Variants in MPHOSPH9 observed in about 807,000 individuals in gnomAD.
MPHOSPH9 encodes M-phase phosphoprotein 9.
In MPHOSPH9, 88 loss-of-function variants were observed where a neutral mutation model predicts 145.5. The observed-to-expected ratio is 0.60, with a 90% confidence interval of 0.51 to 0.72. The LOEUF (loss-of-function observed/expected upper bound fraction) is 0.72. Among genes scored for constraint, MPHOSPH9 ranks in the 30% least tolerant of loss-of-function variants. MPHOSPH9 has a pLI of 0.00. For missense variants in MPHOSPH9, 1,238 were observed against 1,386.6 expected, an observed-to-expected ratio of 0.89 and a Z score of 1.70; for synonymous variants, 435 against 486.2, an observed-to-expected ratio of 0.89 and a Z score of 1.39.
chr12:123,229,820 C>CTTT (rs2047570652), intron 2 of MPHOSPH9, among the ~76,000 whole-genome samples: 1 of 94,450 alleles, frequency 1.1e-5, no homozygotes, highest in Admixed American at 1.4e-4. Flanking sequence ...TGTCCCCGAA[C>CTTT]ATTTTTTTTT....
chr12:123,223,260 A>C, intron 3 of MPHOSPH9, 133 bp from the exon 4 acceptor site: 3 of 464,432 alleles, frequency 6.5e-6, no homozygotes, highest in Non-Finnish European at 1.1e-5. Context: ...CAGCACTCTC[A>C]TAGCTAGAGT....
At chr12:123,165,617 T>C (rs2044286466) in intron 17 of MPHOSPH9, 140 bp from the exon 18 acceptor site, 1 of 740,808 alleles carries the variant, frequency 1.3e-6, no homozygotes, top group Admixed American at 2.8e-5. Flanking sequence ...ACGAGGTAAT[T>C]AGGGTTGGAT....
At chr12:123,226,359 A>G in intron 3 of MPHOSPH9, 1 of 1,174,850 alleles carries the variant, frequency 8.5e-7, no homozygotes. Flanking sequence ...ATTCTGAAAA[A>G]TAACACAAAT....
intron 13 of MPHOSPH9, among the ~76,000 whole-genome samples, chr12:123,181,962 T>A (rs1329766775): frequency 1.3e-5 from 2 of 152,092 alleles, no homozygotes; most frequent in Non-Finnish European, 2.9e-5. Flanking sequence ...ATTACTTTTT[T>A]TTTTTTTCTT....
chr12:123,198,684 C>T (rs2046081415), intron 11 of MPHOSPH9, among the ~76,000 whole-genome samples: 2 of 151,508 alleles, frequency 1.3e-5, no homozygotes. Context: ...GTGGCATGTG[C>T]CTGTAGTCCC....
chr12:123,200,556 T>C (rs2046176977), intron 11 of MPHOSPH9, among the ~76,000 whole-genome samples: 1 of 152,136 alleles, frequency 6.6e-6, no homozygotes. Flanking sequence ...TTATTCTAGG[T>C]ACCTTCTTTA....
Position 123,202,686 on chromosome 12 carries a change from T to A in MPHOSPH9, c.1719A>T (p.Thr573=), listed in dbSNP as rs2046273655. 1 of 1,614,040 alleles carries A rather than the reference T, an allele frequency of 6.2e-7. No homozygotes were observed. Among genetic ancestry groups the A allele is most frequent in the Admixed American group, 1.7e-5 (1 of 59,984 alleles). ...AAATGCATTCTGGGACACTGTTGGC[T>A]GTACCTGGAAGCTGGGACTGACTGA... ...ASVSQSQLPG[T]ANSVPECISL... is the part of the protein sequence containing the mutation. The change falls in exon 10 of 24, where the codon ACA becomes ACT. Residue 573 remains threonine, a synonymous_variant. Coordinates refer to ENST00000606320, the MANE Select transcript of MPHOSPH9 (RefSeq NM_022782.4).
intron 13 of MPHOSPH9, among the ~76,000 whole-genome samples, chr12:123,186,100 G>T (rs901661432): frequency 6.6e-6 from 1 of 151,856 alleles, no homozygotes; most frequent in South Asian, 2.1e-4. Context: ...GGTGGTGTGC[G>T]CCTGTAATCT....
chr12:123,168,999 T>C (rs1349481738), intron 16 of MPHOSPH9, among the ~76,000 whole-genome samples: 3 of 150,964 alleles, frequency 2.0e-5, no homozygotes, highest in Non-Finnish European at 3.0e-5. Flanking sequence ...ATTCTACTGC[T>C]TCAGACTCCC....
rs1160745452 is a variant in MPHOSPH9, at chr12:123,160,774, A to G, written c.3450+7T>C. On this transcript the variant is annotated splice_region_variant and intron_variant, in intron 23 of 23. Coordinates refer to ENST00000606320, the MANE Select transcript of MPHOSPH9 (RefSeq NM_022782.4). Reference sequence around the variant, plus strand: ...CTCTAAAGCAGATTCAAGCTAAGACATTTCACCTGATTTAATCTTGTCTGT... The same window carrying G: ...CTCTAAAGCAGATTCAAGCTAAGACGTTTCACCTGATTTAATCTTGTCTGT... 2 of 1,613,196 alleles carry G rather than the reference A, an allele frequency of 1.2e-6. No individual in the cohort carries two copies. The highest frequency in any genetic ancestry group is 1.7e-5 in the Admixed American group (1 of 60,028).
chr12:123,201,821 GT>G (rs992384159), intron 11 of MPHOSPH9, among the ~76,000 whole-genome samples: 3 of 152,062 alleles, frequency 2.0e-5, no homozygotes, highest in Admixed American at 6.6e-5. Flanking sequence ...ATCTTTGTGG[GT>G]TTTTTTGGAA....
At chr12:123,176,653 T>C in intron 16 of MPHOSPH9, 35 bp downstream of exon 16, 2 of 1,500,268 alleles carry the variant, frequency 1.3e-6, no homozygotes, top group Non-Finnish European at 1.9e-6. Flanking sequence ...ATGCACCTAT[T>C]TCTAGCTTTA....
chr12:123,172,208 G>A (rs2044613370), intron 16 of MPHOSPH9, among the ~76,000 whole-genome samples: 1 of 152,188 alleles, frequency 6.6e-6, no homozygotes, highest in African/African-American at 2.4e-5. Flanking sequence ...ATGGGCCAGT[G>A]TCTGTTGCAA....
intron 7 of MPHOSPH9, among the ~76,000 whole-genome samples, chr12:123,211,335 G>A (rs1318023096): frequency 6.6e-6 from 1 of 152,050 alleles, no homozygotes; most frequent in Non-Finnish European, 1.5e-5. Flanking sequence ...TGGCCAGGCT[G>A]GTCTCAAACT....
chr12:123,186,759 G>A (rs911499713), intron 13 of MPHOSPH9, among the ~76,000 whole-genome samples: 28 of 152,106 alleles, frequency 1.8e-4, no homozygotes, highest in African/African-American at 6.3e-4. Flanking sequence ...TCAGGATTTC[G>A]AGGTCAGCCT....
chr12:123,172,849 T>TA (rs1160609015), intron 16 of MPHOSPH9, among the ~76,000 whole-genome samples: 1 of 148,232 alleles, frequency 6.7e-6, no homozygotes, highest in Admixed American at 6.9e-5. Flanking sequence ...TTCCAGCTGT[T>TA]AGACTTTCAG....
chr12:123,225,764 G>A (rs937997500), intron 3 of MPHOSPH9, among the ~76,000 whole-genome samples: 2 of 152,068 alleles, frequency 1.3e-5, no homozygotes, highest in Admixed American at 1.3e-4. Flanking sequence ...GGCTAGCCAC[G>A]GTGGCTCATG....
At chr12:123,230,893 T>C (rs2047611183) in intron 1 of MPHOSPH9, among the ~76,000 whole-genome samples, 1 of 152,134 alleles carries the variant, frequency 6.6e-6, no homozygotes, top group Admixed American at 6.6e-5. Context: ...TGCCAGGAGC[T>C]GGGGAAGGAG....
At chr12:123,212,766 CTTTT>C (rs769159602) in intron 7 of MPHOSPH9, among the ~76,000 whole-genome samples, 1 of 93,906 alleles carries the variant, frequency 1.1e-5, no homozygotes, top group African/African-American at 3.8e-5. Context: ...CAATGGTCGA[CTTTT>C]TTTTTTTTTT....
Sources: allele counts gnomAD v4.1 joint callset (sites outside exome capture counted in the v4.1 genomes callset), GRCh38; gene constraint gnomAD v4.1.1; transcripts MANE v1.5; gene names NCBI Gene and HGNC (gene_info 2026-07-23, HGNC 2026-07-21).